Variants in ANKRD50 observed in about 807,000 individuals in gnomAD.
ANKRD50 encodes the protein ankyrin repeat domain-containing protein 50.
ANKRD50 carries 40 observed loss-of-function variants against 112.0 expected under a neutral mutation model. The ratio of observed to expected loss-of-function variants is 0.36; its 90% CI spans 0.28 to 0.46. The LOEUF is 0.46. ANKRD50 is among the 20% of genes least tolerant of loss of function. The pLI, the probability that ANKRD50 is intolerant of heterozygous loss-of-function variation, is 1.00. For synonymous variants in ANKRD50, 613 were observed against 619.1 expected (o/e 0.99, Z 0.15); for missense variants, 1,487 against 1,701.7 (o/e 0.87, Z 2.22).
At position 124,666,905 on chromosome 4, in the gene ANKRD50, A is replaced by G. The variant is rs767040174; in HGVS notation, c.*613T>C. ...ACTACTTAAAGCAGCTCCCTAAACT[A>G]CTATAAAATATTTTTTTTAAACTGC... On this transcript the variant is annotated 3_prime_UTR_variant, in exon 5 of 5. Transcript: ENST00000504087. 1 of 152,182 alleles carries G rather than the reference A, an allele frequency of 6.6e-6. No individual in the cohort carries two copies. Among genetic ancestry groups the G allele is most frequent in the Non-Finnish European group, 1.5e-5 (1 of 67,930 alleles). 9.4% of individuals were successfully genotyped at this position (152,182 alleles called of 1,614,324 possible).
At chr4:124,705,637 C>T (rs1725488975) in intron 2 of ANKRD50, among the ~76,000 whole-genome samples, 1 of 152,144 alleles carries the variant, frequency 6.6e-6, no homozygotes, top group Non-Finnish European at 1.5e-5. Flanking sequence ...ATTGAAACAG[C>T]TATCTTCTAA....
chr4:124,687,039 T>G (rs1206111128), intron 2 of ANKRD50, among the ~76,000 whole-genome samples: 1 of 152,142 alleles, frequency 6.6e-6, no homozygotes, highest in Non-Finnish European at 1.5e-5. Flanking sequence ...TATAAAATAC[T>G]AAAATAACGG....
At chr4:124,690,749 C>A (rs1725118085) in intron 2 of ANKRD50, among the ~76,000 whole-genome samples, 1 of 152,146 alleles carries the variant, frequency 6.6e-6, no homozygotes, top group African/African-American at 2.4e-5. Context: ...AATTATACTA[C>A]TAGAACACTC....
intron 2 of ANKRD50, among the ~76,000 whole-genome samples, chr4:124,680,115 C>T (rs978444909): frequency 2.6e-5 from 4 of 152,290 alleles, no homozygotes; most frequent in Admixed American, 6.5e-5. Context: ...GCTTCCATAA[C>T]GTCAAATACA....
rs1047576741 is a variant in ANKRD50 at position 124,694,515 on chromosome 4, C to T, written c.512+15485G>A. Among the ~76,000 whole-genome samples, 8 of 152,250 alleles carry T rather than the reference C, an allele frequency of 5.3e-5. No homozygotes were observed. In the East Asian group the frequency reaches 9.6e-4, roughly 18 times the overall value. On this transcript the variant is annotated intron_variant, in intron 2 of 4. Transcript: ENST00000504087. ...GAAGTAAAGGGAATACAAGTTCTCC[C>T]ACTTCTAGCAACAGGACTCAGGCTC... is the stretch of plus-strand genomic sequence containing the variant.
At chr4:124,667,581 C>CT (rs1560815811) in intron 4 of ANKRD50, 67 bp from the exon 5 acceptor site, 2 of 151,922 alleles carry the variant, frequency 1.3e-5, no homozygotes, top group East Asian at 1.9e-4. Flanking sequence ...CATTTTAAAA[C>CT]TTTATTTAAT....
At chr4:124,681,116 G>A (rs1272918277) in intron 2 of ANKRD50, among the ~76,000 whole-genome samples, 1 of 152,036 alleles carries the variant, frequency 6.6e-6, no homozygotes, top group Non-Finnish European at 1.5e-5. Context: ...TAGAAGGAAA[G>A]AGTGAGATAT....
chr4:124,710,651 C>A lies in ANKRD50; in HGVS notation c.-140G>T. On this transcript the variant is annotated 5_prime_UTR_variant, in exon 2 of 5. An upstream open reading frame in the 5' UTR gains an earlier in-frame stop. Transcript: ENST00000504087. ...AGTAAAATTCAACAGCCACAGAGTT[C>A]CTCTGTCAACAGAACGTGCATGACT... is the stretch of plus-strand genomic sequence containing the variant. 9 of 986,882 alleles carry A rather than the reference C, an allele frequency of 9.1e-6. No homozygotes were observed. The highest frequency in any genetic ancestry group is 1.6e-5 in the African/African-American group (1 of 61,730). 61.1% of individuals were successfully genotyped at this position (986,882 alleles called of 1,614,324 possible). A position where few individuals can be genotyped will look rare whatever the true frequency, so the allele number is the denominator to read the frequency against.
intron 2 of ANKRD50, 57 bp from the exon 3 acceptor site, chr4:124,678,962 T>C: frequency 7.9e-7 from 1 of 1,265,850 alleles, no homozygotes; most frequent in Non-Finnish European, 1.1e-6. Context: ...ATGTTAAGAT[T>C]TATTATTCAA....
intron 2 of ANKRD50, among the ~76,000 whole-genome samples, chr4:124,684,644 T>C (rs897040176): frequency 6.6e-6 from 1 of 152,210 alleles, no homozygotes; most frequent in Non-Finnish European, 1.5e-5. Context: ...CAACGAATAA[T>C]GGTCTGCCAG....
chr4:124,711,796 T>C (rs1395079549), intron 1 of ANKRD50, among the ~76,000 whole-genome samples: 1 of 151,702 alleles, frequency 6.6e-6, no homozygotes. Flanking sequence ...GGATGACTGT[T>C]CTTATAAGAA....
chr4:124,681,623 A>C (rs1456686211), intron 2 of ANKRD50, among the ~76,000 whole-genome samples: 1 of 152,172 alleles, frequency 6.6e-6, no homozygotes, highest in Non-Finnish European at 1.5e-5. Flanking sequence ...GGGATAGCAA[A>C]AAGTAGACAG....
chr4:124,689,527 C>T (rs2110518681), intron 2 of ANKRD50, among the ~76,000 whole-genome samples: 1 of 152,274 alleles, frequency 6.6e-6, no homozygotes, highest in African/African-American at 2.4e-5. Flanking sequence ...GGGTGGTGGC[C>T]TTCATCCAAT....
Position 124,669,684 on chromosome 4 carries a change from G to A in ANKRD50, c.3593C>T (p.Thr1198Ile). Residue 1198 changes from threonine (T) to isoleucine (I), a missense_variant, in exon 4 of 5, where the codon ACA becomes ATA. Thr to Ile is a moderately conservative substitution (Grantham distance 89, BLOSUM62 -1). Coordinates refer to ENST00000504087, the MANE Select transcript of ANKRD50 (RefSeq NM_020337.3). The stretch of plus-strand genomic sequence containing the variant: ...AATTGGCACTGTTTGAGCCGTTGCT[G>A]TAGATGAAGTAGTTCTCAAAGATGA... ...KNSSLRTTSS[T>I]ATAQTVPIDS... 2 of 1,612,664 alleles carry A rather than the reference G, an allele frequency of 1.2e-6. No homozygotes were observed. The highest frequency in any genetic ancestry group is 1.7e-6 in the Non-Finnish European group (2 of 1,179,620).
chr4:124,705,042 C>T (rs1232877091), intron 2 of ANKRD50, among the ~76,000 whole-genome samples: 1 of 151,946 alleles, frequency 6.6e-6, no homozygotes, highest in Non-Finnish European at 1.5e-5. Context: ...TGTAGTGAGC[C>T]AAGATCACGC....
At chr4:124,708,256 T>C (rs1725549968) in intron 2 of ANKRD50, among the ~76,000 whole-genome samples, 1 of 152,146 alleles carries the variant, frequency 6.6e-6, no homozygotes, top group Non-Finnish European at 1.5e-5. Context: ...TGTACAGTGA[T>C]TCCATATTGA....
rs1344688731 is a variant in ANKRD50, at chr4:124,665,512, C to A, written c.*2006G>T. 2 of 152,276 alleles carry A rather than the reference C, an allele frequency of 1.3e-5. No homozygotes were observed. Among genetic ancestry groups the A allele is most frequent in the Admixed American group, 1.3e-4 (2 of 15,212 alleles). 9.4% of individuals were successfully genotyped at this position (152,276 alleles called of 1,614,324 possible). ...AGGGTTCTCTTTCTAAAGAAAATTA[C>A]ATGTAATAGAAATTAGAGCTTCATC... On this transcript the variant is annotated 3_prime_UTR_variant, in exon 5 of 5. Coordinates refer to ENST00000504087, the MANE Select transcript of ANKRD50 (RefSeq NM_020337.3).
chr4:124,685,069 G>GT (rs1287342890), intron 2 of ANKRD50, among the ~76,000 whole-genome samples: 1 of 152,014 alleles, frequency 6.6e-6, no homozygotes, highest in Non-Finnish European at 1.5e-5. Flanking sequence ...TCCTGCAATT[G>GT]TTTTTTTGTA....
intron 2 of ANKRD50, among the ~76,000 whole-genome samples, chr4:124,682,332 A>AAG (rs1325118398): frequency 5.6e-5 from 4 of 71,164 alleles, no homozygotes; most frequent in Non-Finnish European, 9.9e-5. Context: ...CAAAAAAAAA[A>AAG]AAAAAAAAAA....
Sources: allele counts gnomAD v4.1 joint callset (sites outside exome capture counted in the v4.1 genomes callset), GRCh38; gene constraint gnomAD v4.1.1; transcripts MANE v1.5; gene names NCBI Gene and HGNC (gene_info 2026-07-23, HGNC 2026-07-21).